PHTF2: variants seen among roughly 807,000 people sequenced by gnomAD.
PHTF2 encodes putative homeodomain transcription factor 2.
In PHTF2, 60 loss-of-function variants were observed where a neutral mutation model predicts 101.2. The observed-to-expected ratio is 0.59, with a 90% CI of 0.48 to 0.73. PHTF2 has a LOEUF of 0.73. PHTF2 is among the 30% of genes least tolerant of loss of function. The pLI, the probability that PHTF2 is intolerant of heterozygous loss-of-function variation, is 0.00. For synonymous variants in PHTF2, 311 were observed against 307.3 expected, an observed-to-expected ratio of 1.01 and a Z score of -0.13; for missense variants, 747 against 908.7, an observed-to-expected ratio of 0.82 and a Z score of 2.29.
intron 3 of PHTF2, among the ~76,000 whole-genome samples, chr7:77,876,006 A>G (rs1798914239): frequency 6.6e-6 from 1 of 152,226 alleles, no homozygotes; most frequent in Non-Finnish European, 1.5e-5. Context: ...GGTTTAGAGA[A>G]GTCTAGTAGT....
chr7:77,887,417 A>T (rs1382390168), intron 3 of PHTF2, among the ~76,000 whole-genome samples: 1 of 146,516 alleles, frequency 6.8e-6, no homozygotes, highest in African/African-American at 2.6e-5. Flanking sequence ...TTCCATAATT[A>T]TTGTTGTTGT....
At chr7:77,812,999 G>A (rs1238109561) in intron 1 of PHTF2, among the ~76,000 whole-genome samples, 1 of 152,174 alleles carries the variant, frequency 6.6e-6, no homozygotes, top group Non-Finnish European at 1.5e-5. Context: ...CTAATGTAGT[G>A]GATATAGGAA....
intron 12 of PHTF2, among the ~76,000 whole-genome samples, chr7:77,934,150 T>C (rs1287915662): frequency 6.6e-6 from 1 of 152,236 alleles, no homozygotes; most frequent in Non-Finnish European, 1.5e-5. Flanking sequence ...CTGTTAGGTT[T>C]GGAAGACCTT....
At chr7:77,917,180 T>G (rs1444639901) in intron 9 of PHTF2, among the ~76,000 whole-genome samples, 1 of 152,202 alleles carries the variant, frequency 6.6e-6, no homozygotes, top group Non-Finnish European at 1.5e-5. Flanking sequence ...CAACCTAATT[T>G]TGGCCATGGA....
At chr7:77,891,659 T>C (rs1800425758) in intron 3 of PHTF2, among the ~76,000 whole-genome samples, 4 of 152,066 alleles carry the variant, frequency 2.6e-5, no homozygotes, top group Admixed American at 2.6e-4. Flanking sequence ...TGATCATGGC[T>C]CACTGCAGCC....
intron 2 of PHTF2, among the ~76,000 whole-genome samples, chr7:77,842,299 G>C (rs532227915): frequency 3.7e-4 from 56 of 152,246 alleles, no homozygotes; most frequent in African/African-American, 1.3e-3. Flanking sequence ...GACCTCCTGG[G>C]TTCAAGTGAA....
chr7:77,923,479 C>T (rs1213034380), intron 11 of PHTF2: 35 of 985,030 alleles, frequency 3.6e-5, no homozygotes, highest in Non-Finnish European at 4.1e-5. Context: ...TTACGCTGTG[C>T]TGGAATATGA....
chr7:77,825,689 A>G (rs1794649167), intron 1 of PHTF2, among the ~76,000 whole-genome samples: 2 of 152,214 alleles, frequency 1.3e-5, no homozygotes, highest in African/African-American at 4.8e-5. Flanking sequence ...GTGTATGCAT[A>G]AAGACGTGTA....
chr7:77,936,418 T>C (rs186365995), intron 12 of PHTF2, among the ~76,000 whole-genome samples: 1 of 152,296 alleles, frequency 6.6e-6, no homozygotes, highest in Non-Finnish European at 1.5e-5. Flanking sequence ...GGCTCACGCC[T>C]GTAATCCCAG....
intron 2 of PHTF2, among the ~76,000 whole-genome samples, chr7:77,850,692 G>C (rs191000987): frequency 6.6e-4 from 100 of 151,852 alleles, no homozygotes; most frequent in African/African-American, 2.2e-3. Context: ...CCAGAATGTG[G>C]GGGCTTTGGG....
intron 12 of PHTF2, among the ~76,000 whole-genome samples, chr7:77,935,130 C>CAA (rs71082796): frequency 2.0e-5 from 1 of 50,102 alleles, no homozygotes; most frequent in Admixed American, 2.3e-4. Flanking sequence ...TCCCCCCCCC[C>CAA]ACACACACAC....
intron 16 of PHTF2, among the ~76,000 whole-genome samples, chr7:77,944,572 T>C (rs1184174031): frequency 6.6e-6 from 1 of 152,168 alleles, no homozygotes; most frequent in Non-Finnish European, 1.5e-5. Flanking sequence ...AAACCAAGGC[T>C]GTTTGGAGGC....
At chr7:77,944,915 TAAAG>T (rs1329849539) in intron 16 of PHTF2, among the ~76,000 whole-genome samples, 6 of 152,164 alleles carry the variant, frequency 3.9e-5, no homozygotes, top group African/African-American at 1.4e-4. Context: ...AATAGCAAAT[TAAAG>T]AAAGCTAAAG....
chr7:77,903,624 A>G (rs527429681), intron 7 of PHTF2, among the ~76,000 whole-genome samples: 78 of 152,344 alleles, frequency 5.1e-4, no homozygotes, highest in Non-Finnish European at 7.1e-4. Flanking sequence ...TAAGTTCAGA[A>G]TCCAAGTTTA....
chr7:77,938,627 A>G (rs1272736697), intron 13 of PHTF2, among the ~76,000 whole-genome samples: 1 of 151,894 alleles, frequency 6.6e-6, no homozygotes, highest in Non-Finnish European at 1.5e-5. Flanking sequence ...AATACAAAAA[A>G]TTAGCCGGGC....
chr7:77,939,777 T>G (rs1231302411), intron 13 of PHTF2, among the ~76,000 whole-genome samples: 1 of 152,150 alleles, frequency 6.6e-6, no homozygotes, highest in East Asian at 1.9e-4. Flanking sequence ...TACATAAATT[T>G]TTTTCAAGAT....
At chr7:77,913,050 C>T (rs1802554509) in intron 9 of PHTF2, among the ~76,000 whole-genome samples, 1 of 151,642 alleles carries the variant, frequency 6.6e-6, no homozygotes, top group Non-Finnish European at 1.5e-5. Flanking sequence ...TTTAATAAAC[C>T]TTTATGAACC....
Position 77,810,534 on chromosome 7 carries a change from C to G in PHTF2, c.-36+11563C>G, listed in dbSNP as rs143080307. On this transcript the variant is annotated intron_variant, in intron 1 of 19. Coordinates refer to ENST00000416283, the Ensembl canonical transcript of PHTF2. Reference sequence around the variant, plus strand: ...GAGGCTGGTTATTTTGTAGAGTGACCTCCCATTTTTTTTCTTTTTTTGAGA... The same window carrying G: ...GAGGCTGGTTATTTTGTAGAGTGACGTCCCATTTTTTTTCTTTTTTTGAGA... 2.0e-5 allele frequency among the ~76,000 whole-genome samples: 3 copies of G among 152,082 alleles called. No homozygotes were observed. The East Asian group carries it at 5.8e-4, about 29-fold the overall frequency.
chr7:77,846,456 C>A (rs978359365), intron 2 of PHTF2, among the ~76,000 whole-genome samples: 4 of 152,194 alleles, frequency 2.6e-5, no homozygotes, highest in Non-Finnish European at 4.4e-5. Flanking sequence ...TTAAATAACA[C>A]AGTATAATGA....
Sources: allele counts gnomAD v4.1 joint callset (sites outside exome capture counted in the v4.1 genomes callset), GRCh38; gene constraint gnomAD v4.1.1; transcripts MANE v1.5; gene names NCBI Gene and HGNC (gene_info 2026-07-23, HGNC 2026-07-21).